The following SIGLEC1 variants were observed in gnomAD, a reference collection of about 807,000 sequenced individuals.
SIGLEC1 encodes sialoadhesin.
Under a neutral mutation model 148.0 loss-of-function variants are expected in SIGLEC1, and 132 were observed. That is an observed-to-expected ratio of 0.89 (90% CI 0.77 to 1.03). The LOEUF is 1.03. Among genes scored for constraint, SIGLEC1 ranks in the 50% least tolerant of loss-of-function variants. SIGLEC1 has a pLI of 0.00. For missense variants in SIGLEC1, 2,253 were observed against 2,271.4 expected, an observed-to-expected ratio of 0.99 and a Z score of 0.16; for synonymous variants, 945 against 969.0, an observed-to-expected ratio of 0.98 and a Z score of 0.46.
chr20:3,706,046 G>A lies in SIGLEC1; in HGVS notation c.410-6C>T. On this transcript the variant is annotated splice_region_variant and splice_polypyrimidine_tract_variant and intron_variant, in intron 3 of 21. Coordinates refer to ENST00000344754, the MANE Select transcript of SIGLEC1 (RefSeq NM_023068.4). ...GGTGGGCACCCTGGGCTCCTCTGAGGACAGAGACAGCAGTGCTCAGGACCC... is the reference window on the plus strand; with the variant it reads ...GGTGGGCACCCTGGGCTCCTCTGAGAACAGAGACAGCAGTGCTCAGGACCC... 6.2e-7 allele frequency: 1 copy of A among 1,610,584 alleles called. No individual in the cohort carries two copies. Among genetic ancestry groups the A allele is most frequent in the Non-Finnish European group, 8.5e-7 (1 of 1,178,444 alleles).
Position 3,697,202 on chromosome 20 carries a change from G to T in SIGLEC1, c.2263C>A (p.Pro755Thr). Reference sequence around the variant, plus strand: ...GGCAGCAGTGTCACGGTCTCCAGGGGACCCTGGGCCCACAGCACCCCATTT... The same window carrying T: ...GGCAGCAGTGTCACGGTCTCCAGGGTACCCTGGGCCCACAGCACCCCATTT... ...FRNGVLWAQG[P>T]LETVTLLPVA... is the part of the protein sequence containing the mutation. The change falls in exon 10 of 22, where the codon CCC (proline) becomes ACC (threonine). Residue 755 changes from proline (P) to threonine (T), a missense_variant. By Grantham distance (38) the Pro-to-Thr change is conservative. Transcript: ENST00000344754. 1 of 1,613,926 alleles carries T rather than the reference G, an allele frequency of 6.2e-7. No homozygotes were observed.
chr20:3,697,173 C>G lies in SIGLEC1; in HGVS notation c.2292G>C (p.Val764=), dbSNP rs1165649184. Residue 764 remains valine, a synonymous_variant, in exon 10 of 22, where the codon GTG becomes GTC. Coordinates refer to ENST00000344754, the MANE Select transcript of SIGLEC1 (RefSeq NM_023068.4). ...GPLETVTLLP[V]ARTDAALYAC... ...CGTAAAGGGCAGCATCAGTTCTGGC[C>G]ACGGGCAGCAGTGTCACGGTCTCCA... The G allele has an allele frequency of 6.2e-7, 1 of 1,613,832 alleles. No individual in the cohort carries two copies. The highest frequency in any genetic ancestry group is 8.5e-7 in the Non-Finnish European group (1 of 1,180,036).
intron 1 of SIGLEC1, among the ~76,000 whole-genome samples, chr20:3,707,667 C>T (rs2087906162): frequency 6.6e-6 from 1 of 152,184 alleles, no homozygotes; most frequent in African/African-American, 2.4e-5. Context: ...CTGAACTTGC[C>T]GAAGTGCTGC....
chr20:3,706,379 G>T lies in SIGLEC1; in HGVS notation c.377C>A (p.Ser126Ter). The T allele has an allele frequency of 1.9e-6, 3 of 1,613,666 alleles. No individual in the cohort carries two copies. In the South Asian group the frequency reaches 3.3e-5, roughly 18 times the overall value. The change falls in exon 3 of 22, where the codon TCA becomes TAA. Residue 126 changes from serine to a stop codon, truncating the protein, a stop_gained. Coordinates refer to ENST00000344754, the MANE Select transcript of SIGLEC1 (RefSeq NM_023068.4). LOFTEE classifies it high-confidence loss of function. ...RFEISEVNRW[S>*]DVKGTLVTVT... ...TGTGACCAAGGTGCCTTTCACATCT[G>T]ACCAGCGGTTGACCTCACTGATCTC... is the stretch of plus-strand genomic sequence containing the variant.
chr20:3,692,411 A>G (rs926550848), intron 16 of SIGLEC1, 110 bp downstream of exon 16: 3 of 1,320,588 alleles, frequency 2.3e-6, no homozygotes, highest in African/African-American at 1.5e-5. Context: ...TCTTTCCCCA[A>G]CTGCCCATTC....
At chr20:3,694,991 G>C in intron 11 of SIGLEC1, 68 bp from the exon 12 acceptor site, 2 of 1,508,040 alleles carry the variant, frequency 1.3e-6, no homozygotes. Flanking sequence ...GACCATGTGC[G>C]TGTCCACCTA....
rs139142426 is a variant in SIGLEC1 at position 3,689,602 on chromosome 20, C to T, written c.4995G>A (p.Trp1665Ter). 161 of 1,572,944 alleles carry T rather than the reference C, an allele frequency of 1.0e-4. No homozygotes were observed. In the African/African-American group the frequency reaches 1.7e-3, roughly 17 times the overall value. The change falls in exon 20 of 22, where the codon TGG (tryptophan) becomes TGA (stop). Residue 1665 changes from tryptophan to a stop codon, truncating the protein, a stop_gained and splice_region_variant. Coordinates refer to ENST00000344754, the MANE Select transcript of SIGLEC1 (RefSeq NM_023068.4). LOFTEE classifies it high-confidence loss of function. ...LLLGLGACYT[W>*]RRRRVCKQSM... ...CCCACTCCCAGCTCCAGACCCACCT[C>T]CAGGTGTAGCAGGCCCCCAGGCCCA...
Position 3,692,060 on chromosome 20 carries a change from C to T in SIGLEC1, c.4173G>A (p.Gly1391=). ...HDGKVLATSS[G]VHSLASGTGH... ...CTGTCCCTGATGCCAAGCTGTGGACCCCGCTGCTCGTGGCCAGCACCTTGC... is the reference window on the plus strand; with the variant it reads ...CTGTCCCTGATGCCAAGCTGTGGACTCCGCTGCTCGTGGCCAGCACCTTGC... The change falls in exon 17 of 22, where the codon GGG becomes GGA. Residue 1391 remains glycine, a synonymous_variant. Coordinates refer to ENST00000344754, the MANE Select transcript of SIGLEC1 (RefSeq NM_023068.4). 6.2e-7 allele frequency: 1 copy of T among 1,612,342 alleles called. No individual in the cohort carries two copies. Among genetic ancestry groups the T allele is most frequent in the Non-Finnish European group, 8.5e-7 (1 of 1,179,600 alleles).
chr20:3,694,073 C>G (rs1422195935), intron 13 of SIGLEC1, 148 bp downstream of exon 13: 2 of 864,752 alleles, frequency 2.3e-6, no homozygotes, highest in Non-Finnish European at 3.4e-6. Context: ...CTAAGAAACT[C>G]AAGTCTGGAG....
rs61734520 is a variant in SIGLEC1 at position 3,693,523 on chromosome 20, G to A, written c.3432C>T (p.Ala1144=). ...GGCCCACACCGCAGCGGTAGGAGGT[G>A]GCATCCCTGACTGTGACGTTGGGCA... is the stretch of plus-strand genomic sequence containing the variant. ...IPLPNVTVRD[A]TSYRCGVGPP... Residue 1144 remains alanine, a synonymous_variant, in exon 14 of 22, where the codon GCC becomes GCT. Coordinates refer to ENST00000344754, the MANE Select transcript of SIGLEC1 (RefSeq NM_023068.4). 4,700 of 1,611,758 alleles carry A rather than the reference G, an allele frequency of 2.9e-3. 124 individuals carry two copies. The African/African-American group carries it at 0.055, about 19-fold the overall frequency.
Position 3,698,144 on chromosome 20 carries a change from G to T in SIGLEC1, c.1787-11C>A, listed in dbSNP as rs574636650. The T allele has an allele frequency of 3.2e-6, 5 of 1,571,290 alleles. No individual in the cohort carries two copies. The African/African-American group carries it at 5.5e-5, about 17-fold the overall frequency. The stretch of plus-strand genomic sequence containing the variant: ...GTTGTCGAGGGGGGTCTGCAGGGAG[G>T]AAGAACATGGGCACTCATCCCACGG... On this transcript the variant is annotated splice_polypyrimidine_tract_variant and intron_variant, in intron 8 of 21. Transcript: ENST00000344754.
At chr20:3,704,148 A>C in intron 4 of SIGLEC1, 57 bp from the exon 5 acceptor site, 1 of 1,511,758 alleles carries the variant, frequency 6.6e-7, no homozygotes, top group Non-Finnish European at 9.0e-7. Context: ...AGAGGATGGC[A>C]CACTTCTTCT....
intron 1 of SIGLEC1, among the ~76,000 whole-genome samples, chr20:3,709,945 G>C (rs6084443): frequency 1.3e-5 from 2 of 152,170 alleles, no homozygotes; most frequent in Non-Finnish European, 1.5e-5. Flanking sequence ...GAGTCTCTCA[G>C]ATAATGAAAA....
At chr20:3,703,112 GC>G in intron 6 of SIGLEC1, 84 bp downstream of exon 6, 1 of 1,565,612 alleles carries the variant, frequency 6.4e-7, no homozygotes, top group Non-Finnish European at 8.7e-7. Flanking sequence ...AAGTTCCCAT[GC>G]CCAGGACCCC....
In SIGLEC1 at chr20:3,692,117, C is replaced by T; in HGVS notation, c.4116G>A (p.Glu1372=). 15 of 1,606,764 alleles carry T rather than the reference C, an allele frequency of 9.3e-6. No individual in the cohort carries two copies. Among genetic ancestry groups the T allele is most frequent in the East Asian group, 2.2e-5 (1 of 44,812 alleles). The change falls in exon 17 of 22, where the codon GAG becomes GAA. Residue 1372 remains glutamate (E), a synonymous_variant. Transcript: ENST00000344754. ...MAVIQCTVDS[E]PPAELALSHD... Reference sequence around the variant, plus strand: ...GAGATAGGGCCAGCTCAGCAGGTGGCTCACTGTCCACAGTGCACTGTATCA... The same window carrying T: ...GAGATAGGGCCAGCTCAGCAGGTGGTTCACTGTCCACAGTGCACTGTATCA...
chr20:3,701,568 A>T lies in SIGLEC1; in HGVS notation c.1302T>A (p.Ser434=), dbSNP rs2087851920. ...QAGLVGILHC[S]VVSEPLATLV... is the part of the protein sequence containing the mutation. ...GTGTGGCCAGGGGCTCACTGACCACAGAGCAGTGAAGGATGCCCACAAGTC... is the reference window on the plus strand; with the variant it reads ...GTGTGGCCAGGGGCTCACTGACCACTGAGCAGTGAAGGATGCCCACAAGTC... Residue 434 remains serine (S), a synonymous_variant, in exon 7 of 22, where the codon TCT becomes TCA. Transcript: ENST00000344754. 6.2e-7 allele frequency: 1 copy of T among 1,606,126 alleles called. No homozygotes were observed. Among genetic ancestry groups the T allele is most frequent in the Admixed American group, 1.7e-5 (1 of 59,768 alleles).
At position 3,697,127 on chromosome 20, in the gene SIGLEC1, C is replaced by G; in HGVS notation, c.2338G>C (p.Ala780Pro). 1.2e-6 allele frequency: 2 copies of G among 1,613,442 alleles called. No homozygotes were observed. The highest frequency in any genetic ancestry group is 1.7e-6 in the Non-Finnish European group (2 of 1,180,030). Residue 780 changes from alanine (A) to proline (P), a missense_variant, in exon 10 of 22, where the codon GCT becomes CCT. Transcript: ENST00000344754. ...ACGGGAGTGGAGAGCTGGGCACCAG[C>G]CTCAGTCAGGATGCGGCAGGCGTAA... is the stretch of plus-strand genomic sequence containing the variant. ...ALYACRILTE[A>P]GAQLSTPVLL...
chr20:3,689,100 T>A (rs1206823812), intron 21 of SIGLEC1, 55 bp downstream of exon 21: 4 of 1,448,210 alleles, frequency 2.8e-6, no homozygotes, highest in Non-Finnish European at 3.9e-6. Context: ...CAGATGCCAG[T>A]TGGCACTGTG....
Position 3,699,454 on chromosome 20 carries a change from G to C in SIGLEC1, c.1534C>G (p.Arg512Gly), listed in dbSNP as rs758012001. 14 of 1,607,362 alleles carry C rather than the reference G, an allele frequency of 8.7e-6. No individual in the cohort carries two copies. The highest frequency in any genetic ancestry group is 3.4e-5 in the Admixed American group (2 of 59,204). Residue 512 changes from arginine to glycine, a missense_variant, in exon 8 of 22, where the codon CGT (arginine) becomes GGT (glycine). Arg to Gly is a moderately radical substitution (Grantham distance 125). Transcript: ENST00000344754. ...STLDFHANAA[R>G]LLISPAAEVV... ...TCGGCTGCCGGGCTGATGAGGAGAC[G>C]GGCGGCTGCGGGGAGAGGAAGAGGC...
Sources: allele counts gnomAD v4.1 joint callset (sites outside exome capture counted in the v4.1 genomes callset), GRCh38; gene constraint gnomAD v4.1.1; transcripts MANE v1.5; gene names NCBI Gene and HGNC (gene_info 2026-07-23, HGNC 2026-07-21).